Variants in CPPED1 observed in about 807,000 individuals in gnomAD.
CPPED1 encodes the protein calcineurin like phosphoesterase domain containing 1, also known as serine/threonine-protein phosphatase CPPED1.
CPPED1 carries 28 observed loss-of-function variants against 28.0 expected under a neutral mutation model. The observed-to-expected ratio is 1.00, with a 90% CI of 0.74 to 1.37. The LOEUF (loss-of-function observed/expected upper bound fraction) is 1.37. Ranked by LOEUF, CPPED1 falls within the 40% of genes most tolerant of loss-of-function variation. The pLI, the probability that CPPED1 is intolerant of heterozygous loss-of-function variation, is 0.00. For synonymous variants in CPPED1, 198 were observed against 180.2 expected, an observed-to-expected ratio of 1.10 and a Z score of -0.79; for missense variants, 504 against 416.5, an observed-to-expected ratio of 1.21 and a Z score of -1.83.
Position 12,664,883 on chromosome 16 carries a change from G to C in CPPED1, c.*3C>G. 1 of 1,607,634 alleles carries C rather than the reference G, an allele frequency of 6.2e-7. No individual in the cohort carries two copies. Among genetic ancestry groups the C allele is most frequent in the Non-Finnish European group, 8.5e-7 (1 of 1,177,886 alleles). Reference sequence around the variant, plus strand: ...GAAAAGTGAACGGGAACGGGAAGGAGCGTCATTTTTTCTTGATCAAATCCA... The same window carrying C: ...GAAAAGTGAACGGGAACGGGAAGGACCGTCATTTTTTCTTGATCAAATCCA... On this transcript the variant is annotated 3_prime_UTR_variant, in exon 4 of 4. Transcript: ENST00000381774. This position sits in a 1 kb window ranked among gnomAD's most constrained non-coding sequence, Gnocchi z 4.2.
At chr16:12,738,849 C>G (rs2080239877) in intron 2 of CPPED1, among the ~76,000 whole-genome samples, 1 of 152,148 alleles carries the variant, frequency 6.6e-6, no homozygotes, top group Admixed American at 6.5e-5. Flanking sequence ...ATATTATTAG[C>G]AAACTGTTTT....
chr16:12,758,300 G>C (rs2080385221), intron 2 of CPPED1, among the ~76,000 whole-genome samples: 1 of 152,116 alleles, frequency 6.6e-6, no homozygotes, highest in African/African-American at 2.4e-5. Context: ...AGGCTCATTG[G>C]GGTCCAGGAG....
At position 12,663,522 on chromosome 16, in the gene CPPED1, T is replaced by C. The variant is rs1567269432; in HGVS notation, c.*1364A>G. 6.6e-6 allele frequency: 1 copy of C among 152,232 alleles called. No homozygotes were observed. The highest frequency in any genetic ancestry group is 1.5e-5 in the Non-Finnish European group (1 of 68,038). The allele number at this position is 152,232 out of a possible 1,614,324, so 9.4% of individuals were successfully genotyped here. On this transcript the variant is annotated 3_prime_UTR_variant, in exon 4 of 4. Transcript: ENST00000381774. ...AAAAATTTAATTTTCTTGTGGCACATAACAATGAACTCTGGTGTCACCAGC... is the reference window on the plus strand; with the variant it reads ...AAAAATTTAATTTTCTTGTGGCACACAACAATGAACTCTGGTGTCACCAGC...
chr16:12,755,281 C>CTTTTTTTTTTT (rs35135598), intron 2 of CPPED1, among the ~76,000 whole-genome samples: 1 of 128,808 alleles, frequency 7.8e-6, no homozygotes, highest in African/African-American at 3.0e-5. Context: ...AGTATGCATT[C>CTTTTTTTTTTT]TTTTTTTTTT....
rs145913354 is a variant in CPPED1, at chr16:12,696,270, C to T, written c.715+8354G>A. On this transcript the variant is annotated intron_variant, in intron 3 of 3. Coordinates refer to ENST00000381774, the MANE Select transcript of CPPED1 (RefSeq NM_018340.3). ...TGTCCTGGAGATTCTCAAGAACGCCCGCAAGAAGGACGCCAGCACCCCAGG... is the reference window on the plus strand; with the variant it reads ...TGTCCTGGAGATTCTCAAGAACGCCTGCAAGAAGGACGCCAGCACCCCAGG... 5.1e-3 allele frequency among the ~76,000 whole-genome samples: 779 copies of T among 152,136 alleles called. 5 individuals are homozygous for T. The highest frequency in any genetic ancestry group is 7.6e-3 in the Non-Finnish European group (514 of 68,004).
At chr16:12,720,165 G>C (rs2080131768) in intron 2 of CPPED1, among the ~76,000 whole-genome samples, 1 of 152,150 alleles carries the variant, frequency 6.6e-6, no homozygotes, top group Non-Finnish European at 1.5e-5. Flanking sequence ...ATACGCTCTT[G>C]GTTTGGTGAG....
chr16:12,750,577 G>C (rs1428646490), intron 2 of CPPED1, among the ~76,000 whole-genome samples: 1 of 152,106 alleles, frequency 6.6e-6, no homozygotes, highest in African/African-American at 2.4e-5. Flanking sequence ...CACCATCAAA[G>C]ATCACCGATC....
At chr16:12,735,463 C>G (rs1173434978) in intron 2 of CPPED1, among the ~76,000 whole-genome samples, 1 of 152,188 alleles carries the variant, frequency 6.6e-6, no homozygotes, top group East Asian at 1.9e-4. Context: ...CATTACCGTC[C>G]CTGGCTAATT....
At position 12,663,558 on chromosome 16, in the gene CPPED1, A is replaced by T. The variant is rs1252677178; in HGVS notation, c.*1328T>A. On this transcript the variant is annotated 3_prime_UTR_variant, in exon 4 of 4. Transcript: ENST00000381774. ...TCTGGTGTCACCAGCCTATTGTATA[A>T]TTAACTTCTCGTCTTTTGTTCCTTA... The T allele has an allele frequency of 6.6e-6, 1 of 152,240 alleles. No individual in the cohort carries two copies. Among genetic ancestry groups the T allele is most frequent in the East Asian group, 1.9e-4 (1 of 5,206 alleles). 9.4% of individuals were successfully genotyped at this position (152,240 alleles called of 1,614,324 possible).
chr16:12,660,409 AG>A lies in CPPED1; in HGVS notation c.*4476del, dbSNP rs2079787270. 6.6e-6 allele frequency: 1 copy of A among 152,178 alleles called. No homozygotes were observed. Among genetic ancestry groups the A allele is most frequent in the Non-Finnish European group, 1.5e-5 (1 of 68,042 alleles). The allele number at this position is 152,178 out of a possible 1,614,324, so 9.4% of individuals were successfully genotyped here. On this transcript the variant is annotated 3_prime_UTR_variant, in exon 4 of 4. Transcript: ENST00000381774. ...GCACTGATGTTTAAAAATCCACTGG[AG>A]GAAAAGGAAAATTTAGTCAGCAAAA...
At chr16:12,713,460 G>A (rs1421641126) in intron 2 of CPPED1, among the ~76,000 whole-genome samples, 1 of 151,970 alleles carries the variant, frequency 6.6e-6, no homozygotes, top group Non-Finnish European at 1.5e-5. Context: ...CTGCCTCCTG[G>A]GTTCATGCGA....
intron 2 of CPPED1, among the ~76,000 whole-genome samples, chr16:12,776,445 T>C (rs941653247): frequency 7.2e-5 from 11 of 152,198 alleles, no homozygotes; most frequent in African/African-American, 2.7e-4. Flanking sequence ...AATCTCAACT[T>C]GAATTGTAGC....
chr16:12,744,432 TG>T (rs1249709349), intron 2 of CPPED1, among the ~76,000 whole-genome samples: 1 of 152,156 alleles, frequency 6.6e-6, no homozygotes, highest in Non-Finnish European at 1.5e-5. Context: ...GAACACACAC[TG>T]GGTTTACCCT....
rs369945677 is a variant in CPPED1 at position 12,664,978 on chromosome 16, C to G, written c.853G>C (p.Ala285Pro). 6.2e-7 allele frequency: 1 copy of G among 1,610,880 alleles called. No homozygotes were observed. ...TAGTATCGGTGAACAATTTTCTCGG[C>G]GGTGACCACCACGACTCGGAGCCCG... The part of the protein sequence containing the change: ...PHGLRVVVVT[A>P]EKIVHRYYSL... The change falls in exon 4 of 4, where the codon GCC becomes CCC. Residue 285 changes from alanine to proline, a missense_variant. Coordinates refer to ENST00000381774, the MANE Select transcript of CPPED1 (RefSeq NM_018340.3). This position sits in a 1 kb window ranked among gnomAD's most constrained non-coding sequence, Gnocchi z 4.2.
At chr16:12,710,980 T>C (rs2080077066) in intron 2 of CPPED1, among the ~76,000 whole-genome samples, 1 of 152,192 alleles carries the variant, frequency 6.6e-6, no homozygotes, top group Admixed American at 6.5e-5. Flanking sequence ...AACAATTCTA[T>C]ATCTGAGTCC....
At chr16:12,718,590 G>A (rs2080120501) in intron 2 of CPPED1, among the ~76,000 whole-genome samples, 1 of 150,688 alleles carries the variant, frequency 6.6e-6, no homozygotes, top group Non-Finnish European at 1.5e-5. Flanking sequence ...AATACGATTT[G>A]TTGGTGAGAG....
In CPPED1 at chr16:12,726,550, G is replaced by A. The variant is rs1050934486; in HGVS notation, c.290-21501C>T. Among the ~76,000 whole-genome samples the A allele has an allele frequency of 2.0e-5, 3 of 151,086 alleles. No individual in the cohort carries two copies. The East Asian group carries it at 5.9e-4, about 30-fold the overall frequency. ...TAGAGACGGGGTTTCACCCTGTTGGGCAGGCTGGTCTTGAACTCCTGACCT... is the reference window on the plus strand; with the variant it reads ...TAGAGACGGGGTTTCACCCTGTTGGACAGGCTGGTCTTGAACTCCTGACCT... On this transcript the variant is annotated intron_variant, in intron 2 of 3. Coordinates refer to ENST00000381774, the MANE Select transcript of CPPED1 (RefSeq NM_018340.3).
At chr16:12,768,400 G>A (rs1387052910) in intron 2 of CPPED1, among the ~76,000 whole-genome samples, 1 of 152,134 alleles carries the variant, frequency 6.6e-6, no homozygotes, top group African/African-American at 2.4e-5. Context: ...CTGTTAACTA[G>A]TCCCTATTAT....
intron 3 of CPPED1, among the ~76,000 whole-genome samples, chr16:12,692,835 G>C (rs2079970482): frequency 6.6e-6 from 1 of 152,200 alleles, no homozygotes; most frequent in Non-Finnish European, 1.5e-5. Flanking sequence ...GGGAGAAAGA[G>C]CACGCAGCAT....
Sources: gnomAD v4.1 joint callset for allele counts (sites outside exome capture counted in the v4.1 genomes callset) on GRCh38, gnomAD v4.1.1 for gene constraint, Gnocchi (gnomAD v3.1) non-coding constraint, MANE v1.5 for transcripts, NCBI Gene and HGNC (gene_info 2026-07-23, HGNC 2026-07-21) for gene names.